The following MYH7B variants were observed in gnomAD, a reference collection of about 807,000 sequenced individuals.
The protein encoded by MYH7B is myosin-7B.
In MYH7B, 205 loss-of-function variants were observed where a neutral mutation model predicts 234.5. The observed-to-expected ratio is 0.87, with a 90% confidence interval of 0.78 to 0.98. The LOEUF is 0.98. Among genes scored for constraint, MYH7B ranks in the 50% least tolerant of loss-of-function variants. MYH7B has a pLI of 0.00. For missense variants in MYH7B, 2,652 were observed against 2,633.4 expected (o/e 1.01, Z -0.15); for synonymous variants, 1,193 against 1,105.0 (o/e 1.08, Z -1.58).
chr20:34,960,746 A>G (rs1405441098), intron 2 of MYH7B, among the ~76,000 whole-genome samples: 1 of 152,226 alleles, frequency 6.6e-6, no homozygotes, highest in Non-Finnish European at 1.5e-5. Context: ...CCCCTAGCAC[A>G]GGCCTGGGCC....
At chr20:34,995,501 G>C (rs777823514) in exon 28 of MYH7B, 4 of 1,614,188 alleles carry the variant, frequency 2.5e-6, no homozygotes, top group Non-Finnish European at 3.4e-6. Context: ...CGAGTGCACG[G>C]AGCTCAAGAA....
intron 18 of MYH7B, 26 bp from the exon 19 acceptor site, chr20:34,988,066 C>T: frequency 6.2e-7 from 1 of 1,600,864 alleles, no homozygotes; most frequent in Non-Finnish European, 8.5e-7. Context: ...GAGAGGTCTG[C>T]TGAGCCAGGC....
chr20:34,983,181 A>G (rs1048227637), intron 10 of MYH7B, among the ~76,000 whole-genome samples: 2 of 151,910 alleles, frequency 1.3e-5, no homozygotes, highest in African/African-American at 2.4e-5. Flanking sequence ...CTCCCCACCC[A>G]GTCCCTGCTC....
Position 34,996,294 on chromosome 20 carries a change from C to T in MYH7B, c.2944-52C>T, listed in dbSNP as rs569473106. Reference sequence around the variant, plus strand: ...CTCTGACCTGGTGTGGTGTGGTGGCCGCTCAGAGTGCGGGGAAGGGCGTCC... The same window carrying T: ...CTCTGACCTGGTGTGGTGTGGTGGCTGCTCAGAGTGCGGGGAAGGGCGTCC... On this transcript the variant is annotated intron_variant, in intron 28 of 44. Transcript: ENST00000262873. 2.6e-4 allele frequency: 394 copies of T among 1,538,994 alleles called. 1 individual carries two copies. The highest frequency in any genetic ancestry group is 2.0e-3 in the African/African-American group (146 of 72,694).
At chr20:34,976,582 C>CG (rs1175431361) in intron 3 of MYH7B, among the ~76,000 whole-genome samples, 2 of 152,184 alleles carry the variant, frequency 1.3e-5, no homozygotes, top group African/African-American at 2.4e-5. Flanking sequence ...GAGTGGGCCA[C>CG]GGGAAGGTGG....
intron 30 of MYH7B, 65 bp downstream of exon 30, chr20:34,996,823 G>T (rs1049730755): frequency 6.4e-7 from 1 of 1,561,348 alleles, no homozygotes; most frequent in African/African-American, 1.4e-5. Context: ...TTCCCTTCTG[G>T]ATTCTTGTGG....
Position 34,959,140 on chromosome 20 carries a change from T to C in MYH7B, c.-222+928T>C, listed in dbSNP as rs527995407. Among the ~76,000 whole-genome samples the C allele has an allele frequency of 2.6e-5, 4 of 152,370 alleles. No individual in the cohort carries two copies. The South Asian group carries it at 8.3e-4, about 32-fold the overall frequency. On this transcript the variant is annotated intron_variant, in intron 2 of 44. Transcript: ENST00000262873. Reference sequence around the variant, plus strand: ...CTGTGGTTTGTTACTTTTGAGGCTATAGACTCGTCTGAGATCCATTAGTAT... The same window carrying C: ...CTGTGGTTTGTTACTTTTGAGGCTACAGACTCGTCTGAGATCCATTAGTAT...
intron 2 of MYH7B, among the ~76,000 whole-genome samples, chr20:34,974,502 G>C (rs928546721): frequency 2.0e-5 from 3 of 152,146 alleles, no homozygotes; most frequent in African/African-American, 7.2e-5. Flanking sequence ...TGGTGGAAGG[G>C]AACCTACGAG....
At position 34,993,361 on chromosome 20, in the gene MYH7B, G is replaced by A. The variant is rs376856126; in HGVS notation, c.2335G>A (p.Val779Ile). ...GTTCTTCAAGGCTGGGCTTCTAGGC[G>A]TCCTGGAAGAGCTCCGTGACCAGCG... The change falls in exon 26 of 45, where the codon GTC becomes ATC. Residue 779 changes from valine (V) to isoleucine (I), a missense_variant. Physicochemically the swap from Val to Ile is conservative, Grantham distance 29 (BLOSUM62 3). Around this residue, in one of 3 missense-constraint regions of MYH7B, gnomAD observed 2,279 missense variants for 2,211.4 expected, o/e 1.03. Transcript: ENST00000262873. The A allele has an allele frequency of 2.2e-5, 36 of 1,613,884 alleles. No homozygotes were observed. In the South Asian group the frequency reaches 2.7e-4, roughly 12 times the overall value.
At chr20:34,990,060 T>C in exon 21 of MYH7B, 1 of 1,614,152 alleles carries the variant, frequency 6.2e-7, no homozygotes, top group East Asian at 2.2e-5. Context: ...AAGGATCCCC[T>C]GAATGAGACC....
At position 34,999,556 on chromosome 20, in the gene MYH7B, C is replaced by A; in HGVS notation, c.4541-15C>A. The A allele has an allele frequency of 6.3e-7, 1 of 1,589,612 alleles. No individual in the cohort carries two copies. The highest frequency in any genetic ancestry group is 8.6e-7 in the Non-Finnish European group (1 of 1,167,876). ...AAGCCATGGGGGTGGCCTCTCAGCA[C>A]CCTGTCCACTGCAGAGGAGATCAGC... On this transcript the variant is annotated splice_polypyrimidine_tract_variant and intron_variant, in intron 36 of 44. Coordinates refer to ENST00000262873, the Ensembl canonical transcript of MYH7B.
rs750467602 is a variant in MYH7B, at chr20:34,994,124, C to T, written c.2445-22C>T. On this transcript the variant is annotated intron_variant, in intron 26 of 44. Transcript: ENST00000262873. Reference sequence around the variant, plus strand: ...GACGGGCAGCACTGAGCCACCTTCACAGCTTGGCTGCCCCTCCCTAGGGAT... The same window carrying T: ...GACGGGCAGCACTGAGCCACCTTCATAGCTTGGCTGCCCCTCCCTAGGGAT... The T allele has an allele frequency of 2.5e-6, 4 of 1,606,174 alleles. No homozygotes were observed. In the African/African-American group the frequency reaches 5.3e-5, roughly 21 times the overall value.
chr20:34,984,052 C>T (rs1343056809), intron 10 of MYH7B, among the ~76,000 whole-genome samples: 1 of 152,214 alleles, frequency 6.6e-6, no homozygotes, highest in Non-Finnish European at 1.5e-5. Context: ...GGATGCTGGG[C>T]ACCTGCCCTG....
chr20:34,956,246 T>A (rs545982131), intron 1 of MYH7B, among the ~76,000 whole-genome samples: 1 of 152,120 alleles, frequency 6.6e-6, no homozygotes, highest in Non-Finnish European at 1.5e-5. Context: ...CCCCTGATTT[T>A]ATCTATTTTT....
chr20:34,976,922 G>A (rs1476162772), intron 3 of MYH7B, among the ~76,000 whole-genome samples: 2 of 152,228 alleles, frequency 1.3e-5, no homozygotes, highest in African/African-American at 2.4e-5. Flanking sequence ...GGACCTCTGA[G>A]GTAGGGTACA....
At chr20:34,977,829 C>A in intron 4 of MYH7B, 105 bp from the exon 5 acceptor site, 1 of 1,525,794 alleles carries the variant, frequency 6.6e-7, no homozygotes, top group Non-Finnish European at 9.0e-7. Flanking sequence ...TGGGCACTCA[C>A]CCAAGGAGGC....
At chr20:34,997,767 T>C in intron 32 of MYH7B, 127 bp downstream of exon 32, 1 of 1,152,744 alleles carries the variant, frequency 8.7e-7, no homozygotes, top group Non-Finnish European at 1.2e-6. Context: ...CTTCACCTGG[T>C]ACACAACCCT....
intron 24 of MYH7B, among the ~76,000 whole-genome samples, chr20:34,992,380 C>T (rs527481434): frequency 1.1e-4 from 11 of 95,980 alleles, no homozygotes; most frequent in Admixed American, 5.6e-4. Context: ...AGCGAGACTC[C>T]GTCTCAAAAA....
chr20:34,991,868 C>T (rs1215090796), intron 24 of MYH7B, among the ~76,000 whole-genome samples: 1 of 152,236 alleles, frequency 6.6e-6, no homozygotes, highest in East Asian at 1.9e-4. Flanking sequence ...ACAGTCTGGC[C>T]TGGAGATCGT....
Sources: gnomAD v4.1 joint callset for allele counts (sites outside exome capture counted in the v4.1 genomes callset) on GRCh38, gnomAD v4.1.1 for gene constraint, gnomAD v4.1.1 regional missense constraint, MANE v1.5 for transcripts, NCBI Gene and HGNC (gene_info 2026-07-23, HGNC 2026-07-21) for gene names.